SOX6: variants seen among roughly 807,000 people sequenced by gnomAD.
SOX6 encodes SRY-box transcription factor 6, also known as transcription factor SOX-6.
In SOX6, 11 loss-of-function variants were observed where a neutral mutation model predicts 97.8. The ratio of observed to expected loss-of-function variants is 0.11; its 90% CI spans 0.07 to 0.19. SOX6 has a LOEUF of 0.19. SOX6 is among the 10% of genes least tolerant of loss of function. The pLI, the probability that SOX6 is intolerant of heterozygous loss-of-function variation, is 1.00. For missense variants in SOX6, 810 were observed against 1,039.5 expected (o/e 0.78, Z 3.04); for synonymous variants, 360 against 371.4 (o/e 0.97, Z 0.35).
intron 4 of SOX6, among the ~76,000 whole-genome samples, chr11:16,513,843 T>G (rs1274191380): frequency 6.6e-6 from 1 of 152,092 alleles, no homozygotes; most frequent in Non-Finnish European, 1.5e-5. Context: ...ATAAAAAAGA[T>G]GAGACTCAAA....
chr11:16,286,396 G>A (rs1278511602), intron 3 of SOX6, among the ~76,000 whole-genome samples: 1 of 152,004 alleles, frequency 6.6e-6, no homozygotes, highest in Non-Finnish European at 1.5e-5. Flanking sequence ...AATGCTCCTG[G>A]ACATTCTATT....
chr11:16,243,482 G>T (rs1246506948), intron 3 of SOX6, among the ~76,000 whole-genome samples: 2 of 151,774 alleles, frequency 1.3e-5, no homozygotes, highest in East Asian at 3.9e-4. Flanking sequence ...ACTATTGTGT[G>T]TCAAGCAGCT....
chr11:16,074,761 A>G (rs1169758691), intron 9 of SOX6, among the ~76,000 whole-genome samples: 1 of 152,226 alleles, frequency 6.6e-6, no homozygotes. Context: ...CATGGATAGG[A>G]TGACTCAATA....
rs34115428 is a variant in SOX6 at position 16,356,219 on chromosome 11, CAA to C, written c.-132_-131del. 4.7e-5 allele frequency among the ~76,000 whole-genome samples: 6 copies of C among 126,860 alleles called. No individual in the cohort carries two copies. Among genetic ancestry groups the C allele is most frequent in the East Asian group, 2.3e-4 (1 of 4,434 alleles). The allele number at this position is 126,860 out of a possible 152,430, so 83.2% of individuals were successfully genotyped here. On this transcript the variant is annotated 5_prime_UTR_variant, in exon 1 of 16. Transcript: ENST00000683767. ...TCACAAGAAACCTCTGACTGCCAAC[CAA>C]AAAAAAAAAAAACCCAACCCCACAG...
intron 6 of SOX6, among the ~76,000 whole-genome samples, chr11:16,149,121 C>T (rs1056141780): frequency 1.3e-5 from 2 of 152,120 alleles, no homozygotes; most frequent in Admixed American, 6.6e-5. Context: ...GTATACTACA[C>T]AAATGGAATG....
chr11:16,199,328 C>T (rs1027949556), intron 4 of SOX6, among the ~76,000 whole-genome samples: 5 of 152,118 alleles, frequency 3.3e-5, no homozygotes, highest in Non-Finnish European at 7.4e-5. Flanking sequence ...CACAAATGAT[C>T]GTCCAAACAC....
chr11:16,470,931 C>T lies in SOX6; in HGVS notation c.-5+5384G>A, dbSNP rs182979934. On this transcript the variant is annotated intron_variant, in intron 1 of 15. Transcript: ENST00000396356. ...TAGGCAATAATCACTTTTTGTACCA[C>T]ACAATAAAATCCTTGTCAGAAACAT... Among the ~76,000 whole-genome samples the T allele has an allele frequency of 2.1e-3, 322 of 152,116 alleles. 1 individual carries two copies. The highest frequency in any genetic ancestry group is 7.3e-3 in the African/African-American group (304 of 41,516).
intron 14 of SOX6, among the ~76,000 whole-genome samples, chr11:15,987,689 A>AT (rs5789928): frequency 0.019 from 2,752 of 142,058 alleles, 80 homozygotes; most frequent in African/African-American, 0.062. Context: ...AGAAGCACTG[A>AT]TTTTTTTTTT....
Position 16,269,759 on chromosome 11 carries a change from T to C in SOX6, c.446-35088A>G, listed in dbSNP as rs149748971. Among the ~76,000 whole-genome samples the C allele has an allele frequency of 7.6e-3, 1,146 of 151,356 alleles. 16 individuals carry two copies. Among genetic ancestry groups the C allele is most frequent in the African/African-American group, 0.024 (991 of 41,478 alleles). ...TCCTCTAATTGGCTGTGCTATTTTCTACAAAAGCTATTAATTGTTGTATAT... is the reference window on the plus strand; with the variant it reads ...TCCTCTAATTGGCTGTGCTATTTTCCACAAAAGCTATTAATTGTTGTATAT... On this transcript the variant is annotated intron_variant, in intron 3 of 15. Transcript: ENST00000683767.
chr11:16,627,577 T>C (rs1287219295), intron 3 of SOX6, among the ~76,000 whole-genome samples: 2 of 152,264 alleles, frequency 1.3e-5, no homozygotes, highest in Admixed American at 6.5e-5. Context: ...TTCACGTTTT[T>C]TGGCCACTTG....
At chr11:16,240,304 G>GTGTA (rs1853148569) in intron 3 of SOX6, among the ~76,000 whole-genome samples, 1 of 151,030 alleles carries the variant, frequency 6.6e-6, no homozygotes, top group Non-Finnish European at 1.5e-5. Context: ...GTGTGTGTGT[G>GTGTA]TGTGTGTGTG....
chr11:16,580,374 T>C (rs1848021360), intron 4 of SOX6, among the ~76,000 whole-genome samples: 1 of 152,088 alleles, frequency 6.6e-6, no homozygotes, highest in Non-Finnish European at 1.5e-5. Flanking sequence ...GATGCTAAAA[T>C]GCATAACTGA....
chr11:16,498,337 C>T (rs1187567393), intron 4 of SOX6, among the ~76,000 whole-genome samples: 2 of 152,262 alleles, frequency 1.3e-5, no homozygotes, highest in African/African-American at 4.8e-5. Flanking sequence ...ACAACCGGTA[C>T]CAGCCACTGC....
At chr11:16,009,507 T>C (rs1209377984) in intron 13 of SOX6, among the ~76,000 whole-genome samples, 1 of 152,066 alleles carries the variant, frequency 6.6e-6, no homozygotes, top group East Asian at 1.9e-4. Context: ...CTAGAACCAA[T>C]GAGTAGAAGT....
intron 9 of SOX6, among the ~76,000 whole-genome samples, chr11:16,075,326 T>C (rs1214418354): frequency 1.3e-5 from 2 of 152,282 alleles, no homozygotes; most frequent in Non-Finnish European, 2.9e-5. Flanking sequence ...AAGGCACATC[T>C]TACATAGTGG....
intron 4 of SOX6, among the ~76,000 whole-genome samples, chr11:16,216,087 T>G (rs1233386661): frequency 1.3e-5 from 2 of 152,190 alleles, no homozygotes; most frequent in Non-Finnish European, 2.9e-5. Context: ...TTCACTCTTT[T>G]GGAAATGGAG....
chr11:16,144,624 G>T lies in SOX6; in HGVS notation c.778-32701C>A, dbSNP rs1013295892. Among the ~76,000 whole-genome samples, 3 of 152,088 alleles carry T rather than the reference G, an allele frequency of 2.0e-5. No individual in the cohort carries two copies. In the East Asian group the frequency reaches 5.8e-4, roughly 29 times the overall value. On this transcript the variant is annotated intron_variant, in intron 6 of 15. Coordinates refer to ENST00000683767, the MANE Select transcript of SOX6 (RefSeq NM_001367873.1). ...CTAGCAAGACTAATAAAGAAGAAAA[G>T]AGAGAAGAATCAAATAGACGCAATA...
At chr11:16,736,246 TG>T (rs796130715) in intron 2 of SOX6, 6 of 152,368 alleles carry the variant, frequency 3.9e-5, no homozygotes, top group African/African-American at 1.4e-4. Context: ...CTCATGATAG[TG>T]TATCTTTGTT....
intron 9 of SOX6, among the ~76,000 whole-genome samples, chr11:16,092,878 A>C (rs1361221604): frequency 2.0e-5 from 3 of 151,700 alleles, no homozygotes; most frequent in Non-Finnish European, 4.4e-5. Flanking sequence ...TCCAGAGCTT[A>C]GTTCCCACGA....
Sources: allele counts gnomAD v4.1 joint callset (sites outside exome capture counted in the v4.1 genomes callset), GRCh38; gene constraint gnomAD v4.1.1; transcripts MANE v1.5; gene names NCBI Gene and HGNC (gene_info 2026-07-23, HGNC 2026-07-21).